Variants in TRAPPC9 observed in about 807,000 individuals in gnomAD.
The protein encoded by TRAPPC9 is IKK2 binding protein.
TRAPPC9 carries 83 observed loss-of-function variants against 124.0 expected under a neutral mutation model. The observed-to-expected ratio is 0.67, with a 90% CI of 0.56 to 0.80. TRAPPC9 has a LOEUF of 0.80. TRAPPC9 is among the 30% of genes least tolerant of loss of function. The pLI, the probability that TRAPPC9 is intolerant of heterozygous loss-of-function variation, is 0.00. For missense variants in TRAPPC9, 1,302 were observed against 1,508.3 expected (o/e 0.86, Z 2.27); for synonymous variants, 638 against 617.5 (o/e 1.03, Z -0.49).
chr8:140,373,188 T>A (rs1218125047), intron 7 of TRAPPC9, among the ~76,000 whole-genome samples: 1 of 152,226 alleles, frequency 6.6e-6, no homozygotes, highest in Non-Finnish European at 1.5e-5. Context: ...GGGGCCTCCA[T>A]GCTAATGACA....
chr8:139,835,618 C>G (rs1040586012), intron 21 of TRAPPC9, among the ~76,000 whole-genome samples: 1 of 152,218 alleles, frequency 6.6e-6, no homozygotes, highest in Non-Finnish European at 1.5e-5. Context: ...GTAAAGCGAT[C>G]AAGTCCCAAA....
chr8:140,042,225 G>T (rs1053811656), intron 17 of TRAPPC9, among the ~76,000 whole-genome samples: 2 of 151,726 alleles, frequency 1.3e-5, no homozygotes, highest in Non-Finnish European at 2.9e-5. Context: ...GTGTGTGTGT[G>T]TGTGTGTGTA....
At chr8:140,010,881 C>T (rs1021264727) in intron 18 of TRAPPC9, among the ~76,000 whole-genome samples, 1 of 152,166 alleles carries the variant, frequency 6.6e-6, no homozygotes, top group Non-Finnish European at 1.5e-5. Flanking sequence ...ACAAACCTCA[C>T]TCAACAGAGA....
chr8:140,386,226 A>C (rs2068752166), intron 7 of TRAPPC9, among the ~76,000 whole-genome samples: 1 of 152,224 alleles, frequency 6.6e-6, no homozygotes, highest in South Asian at 2.1e-4. Flanking sequence ...GAATGGGCAA[A>C]AACTGGAAGC....
intron 7 of TRAPPC9, among the ~76,000 whole-genome samples, chr8:140,377,969 A>G (rs1159196033): frequency 6.6e-6 from 1 of 152,096 alleles, no homozygotes; most frequent in African/African-American, 2.4e-5. Context: ...AAAAAAAAAA[A>G]TACTTTGGGA....
chr8:140,447,438 T>C (rs967186227), intron 2 of TRAPPC9, among the ~76,000 whole-genome samples: 1 of 151,596 alleles, frequency 6.6e-6, no homozygotes, highest in Non-Finnish European at 1.5e-5. Flanking sequence ...GCCTACCTTT[T>C]CAGACCCAAT....
intron 16 of TRAPPC9, among the ~76,000 whole-genome samples, chr8:140,247,056 T>C (rs2064005611): frequency 6.6e-6 from 1 of 152,184 alleles, no homozygotes; most frequent in African/African-American, 2.4e-5. Context: ...TGATGGATAC[T>C]GTAAGAGCAG....
At chr8:140,102,457 T>C (rs945446169) in intron 17 of TRAPPC9, among the ~76,000 whole-genome samples, 4 of 151,436 alleles carry the variant, frequency 2.6e-5, no homozygotes, top group Non-Finnish European at 4.4e-5. Flanking sequence ...ATAAATAAAA[T>C]ACCAGCCTCC....
At chr8:139,756,749 T>G (rs910425974) in intron 21 of TRAPPC9, among the ~76,000 whole-genome samples, 2,129 of 20,938 alleles carry the variant, frequency 0.1, no homozygotes, top group Admixed American at 0.12. Flanking sequence ...AGGGTTGGGG[T>G]ATAAGGACAG....
intron 17 of TRAPPC9, among the ~76,000 whole-genome samples, chr8:140,188,308 A>C (rs2062396995): frequency 6.6e-6 from 1 of 152,186 alleles, no homozygotes; most frequent in Non-Finnish European, 1.5e-5. Context: ...ACAAACACAG[A>C]ATTGAATAAA....
At chr8:139,925,160 C>T (rs906273729) in intron 19 of TRAPPC9, among the ~76,000 whole-genome samples, 4 of 152,220 alleles carry the variant, frequency 2.6e-5, no homozygotes, top group Non-Finnish European at 4.4e-5. Context: ...GGAATGAGCT[C>T]GCCCACGGGG....
intron 14 of TRAPPC9, among the ~76,000 whole-genome samples, chr8:140,276,810 C>T (rs1010657085): frequency 1.4e-5 from 2 of 146,100 alleles, no homozygotes; most frequent in African/African-American, 5.6e-5. Context: ...GTGGCCAGAG[C>T]GGGGAGGCCA....
intron 21 of TRAPPC9, among the ~76,000 whole-genome samples, chr8:139,786,954 G>A (rs1822296104): frequency 6.6e-6 from 1 of 152,182 alleles, no homozygotes; most frequent in South Asian, 2.1e-4. Context: ...TCCAATCTTG[G>A]TGGTGGTGAC....
chr8:140,277,730 A>G (rs981541505), intron 14 of TRAPPC9, among the ~76,000 whole-genome samples: 1 of 152,128 alleles, frequency 6.6e-6, no homozygotes, highest in African/African-American at 2.4e-5. Context: ...CAGGGACCCC[A>G]CTCCAGCCAA....
At chr8:140,204,258 T>C (rs975037878) in intron 17 of TRAPPC9, among the ~76,000 whole-genome samples, 5 of 151,742 alleles carry the variant, frequency 3.3e-5, no homozygotes, top group Admixed American at 3.3e-4. Flanking sequence ...ATTAAGAAAA[T>C]GTGGCACATA....
rs181559072 is a variant in TRAPPC9 at position 140,434,207 on chromosome 8, T to C, written c.859+905A>G. Among the ~76,000 whole-genome samples the C allele has an allele frequency of 1.7e-3, 265 of 152,228 alleles. 1 individual carries two copies. Among genetic ancestry groups the C allele is most frequent in the African/African-American group, 6.1e-3 (255 of 41,542 alleles). ...CTCGGCCCACTCCCACACTGTGGAG[T>C]GTACTTTCGTTTTCAATAAATCCCT... On this transcript the variant is annotated intron_variant, in intron 4 of 22. Coordinates refer to ENST00000438773, the MANE Select transcript of TRAPPC9 (RefSeq NM_001160372.4).
chr8:139,782,330 A>C (rs1420698007), intron 21 of TRAPPC9, among the ~76,000 whole-genome samples: 2 of 152,222 alleles, frequency 1.3e-5, no homozygotes, highest in African/African-American at 4.8e-5. Flanking sequence ...CAGTGAGCAG[A>C]GATCGTGCCA....
intron 17 of TRAPPC9, among the ~76,000 whole-genome samples, chr8:140,078,909 A>G (rs2129961024): frequency 1.3e-5 from 2 of 152,200 alleles, no homozygotes; most frequent in African/African-American, 4.8e-5. Flanking sequence ...CAGCAACTGT[A>G]CAGCTTTCCA....
intron 17 of TRAPPC9, among the ~76,000 whole-genome samples, chr8:140,175,841 A>C (rs1324737245): frequency 6.6e-6 from 1 of 152,236 alleles, no homozygotes; most frequent in Non-Finnish European, 1.5e-5. Context: ...AGAAATAATA[A>C]ATGCAAAACA....
Sources: gnomAD v4.1 joint callset for allele counts (sites outside exome capture counted in the v4.1 genomes callset) on GRCh38, gnomAD v4.1.1 for gene constraint, MANE v1.5 for transcripts, NCBI Gene and HGNC (gene_info 2026-07-23, HGNC 2026-07-21) for gene names.